The following RALGPS2 variants were observed in gnomAD, a reference collection of about 807,000 sequenced individuals.
RALGPS2 encodes the protein ras-specific guanine nucleotide-releasing factor RalGPS2.
In RALGPS2, 43 loss-of-function variants were observed where a neutral mutation model predicts 86.8. That is an observed-to-expected ratio of 0.50 (90% CI 0.39 to 0.64). RALGPS2 has a LOEUF of 0.64. RALGPS2 is among the 30% of genes least tolerant of loss of function. The pLI is 0.00. For missense variants in RALGPS2, 536 were observed against 694.6 expected (o/e 0.77, Z 2.57); for synonymous variants, 243 against 231.3 (o/e 1.05, Z -0.46).
chr1:178,869,944 A>G (rs549553415), intron 8 of RALGPS2, among the ~76,000 whole-genome samples: 1 of 152,248 alleles, frequency 6.6e-6, no homozygotes, highest in Non-Finnish European at 1.5e-5. Context: ...TACCTAAAAT[A>G]TTACATATTT....
rs549180861 is a variant in RALGPS2 at position 178,730,329 on chromosome 1, A to G, written c.-84+4910A>G. 5.9e-5 allele frequency among the ~76,000 whole-genome samples: 9 copies of G among 152,316 alleles called. No individual in the cohort carries two copies. In the South Asian group the frequency reaches 1.9e-3, roughly 32 times the overall value. ...GATGAGTCTATGCTTTAGGATTCTT[A>G]TGCCACCTTGAAATTTCTTTCCCAT... On this transcript the variant is annotated intron_variant, in intron 1 of 19. Coordinates refer to ENST00000367635, the MANE Select transcript of RALGPS2 (RefSeq NM_152663.5).
At chr1:178,900,974 G>A (rs1254578982) in intron 17 of RALGPS2, among the ~76,000 whole-genome samples, 1 of 152,050 alleles carries the variant, frequency 6.6e-6, no homozygotes, top group Non-Finnish European at 1.5e-5. Context: ...GAAGATCATA[G>A]TATTCATGTC....
At chr1:178,879,049 A>G (rs551694718) in intron 10 of RALGPS2, 57 bp downstream of exon 10, 39 of 1,574,914 alleles carry the variant, frequency 2.5e-5, no homozygotes, top group Non-Finnish European at 3.2e-5. Flanking sequence ...CCACCTTTCT[A>G]TCCCTATGTA....
intron 11 of RALGPS2, 56 bp from the exon 12 acceptor site, chr1:178,885,020 C>A (rs1659413661): frequency 2.7e-6 from 4 of 1,477,552 alleles, no homozygotes; most frequent in Non-Finnish European, 2.7e-6. Flanking sequence ...TATTTTCTTT[C>A]AAGGGACTGA....
At position 178,747,079 on chromosome 1, in the gene RALGPS2, C is replaced by T. The variant is rs539027404; in HGVS notation, c.-84+21660C>T. On this transcript the variant is annotated intron_variant, in intron 1 of 19. Transcript: ENST00000367635. ...TTGATCTGGGGTCTGAGATAAGACC[C>T]ATTTGGAATTTTCTTATGTTCAGTA... is the stretch of plus-strand genomic sequence containing the variant. 25 of 869,166 alleles carry T rather than the reference C, an allele frequency of 2.9e-5. No homozygotes were observed. The East Asian group carries it at 5.8e-4, about 20-fold the overall frequency. The allele number at this position is 869,166 out of a possible 1,614,324, so 53.8% of individuals were successfully genotyped here.
At chr1:178,849,869 T>A (rs185790335) in intron 8 of RALGPS2, 9 of 152,370 alleles carry the variant, frequency 5.9e-5, no homozygotes, top group Admixed American at 5.9e-4. Context: ...AATTCGAGGT[T>A]TTCTTTTTGC....
intron 1 of RALGPS2, among the ~76,000 whole-genome samples, chr1:178,742,236 A>C (rs1336916403): frequency 6.6e-6 from 1 of 152,094 alleles, no homozygotes; most frequent in Non-Finnish European, 1.5e-5. Flanking sequence ...TTTAAATATT[A>C]AGACACAAAT....
intron 4 of RALGPS2, among the ~76,000 whole-genome samples, chr1:178,788,245 A>G (rs1268357709): frequency 6.6e-6 from 1 of 152,214 alleles, no homozygotes; most frequent in African/African-American, 2.4e-5. Flanking sequence ...GGACTCGTCA[A>G]TTGCAATTTT....
At chr1:178,832,450 A>G (rs1048643111) in intron 7 of RALGPS2, among the ~76,000 whole-genome samples, 3 of 152,146 alleles carry the variant, frequency 2.0e-5, no homozygotes, top group Non-Finnish European at 4.4e-5. Flanking sequence ...AAAAACAAGG[A>G]CATACATCTT....
At chr1:178,878,812 T>C in intron 9 of RALGPS2, 90 bp from the exon 10 acceptor site, 1 of 1,529,372 alleles carries the variant, frequency 6.5e-7, no homozygotes, top group Non-Finnish European at 8.8e-7. Context: ...CATGTGGCCT[T>C]AATTTACCTT....
chr1:178,864,114 TGAATTCA>T (rs967653977), intron 8 of RALGPS2, among the ~76,000 whole-genome samples: 2 of 152,128 alleles, frequency 1.3e-5, no homozygotes, highest in Non-Finnish European at 2.9e-5. Context: ...CATAAAATAC[TGAATTCA>T]GAAAGTTAGC....
intron 6 of RALGPS2, among the ~76,000 whole-genome samples, chr1:178,814,608 G>GT (rs1343849494): frequency 1.3e-5 from 2 of 151,166 alleles, no homozygotes; most frequent in South Asian, 2.1e-4. Flanking sequence ...GCTAATTTCT[G>GT]TTTTTTTGTT....
At chr1:178,856,200 G>GAGAGATAGATAGAT (rs1657539569) in intron 8 of RALGPS2, among the ~76,000 whole-genome samples, 1 of 40,942 alleles carries the variant, frequency 2.4e-5, no homozygotes, top group African/African-American at 9.3e-5. Flanking sequence ...CAGAGAGAGA[G>GAGAGATAGATAGAT]AGATATATAT....
At chr1:178,822,313 A>G (rs945260549) in intron 7 of RALGPS2, among the ~76,000 whole-genome samples, 3 of 152,080 alleles carry the variant, frequency 2.0e-5, no homozygotes, top group African/African-American at 4.8e-5. Flanking sequence ...ATTGTACTCA[A>G]TCTTTTCAGG....
rs533062960 is a variant in RALGPS2, at chr1:178,904,729, A to G, written c.1631-2047A>G. The stretch of plus-strand genomic sequence containing the variant: ...ATGTGCCTATTTTCATAGCAGTACC[A>G]TGCTGTTTTGGTGACTGTGGCCTTA... On this transcript the variant is annotated intron_variant, in intron 18 of 19. Coordinates refer to ENST00000367635, the MANE Select transcript of RALGPS2 (RefSeq NM_152663.5). Among the ~76,000 whole-genome samples the G allele has an allele frequency of 5.3e-5, 8 of 152,330 alleles. No individual in the cohort carries two copies. In the East Asian group the frequency reaches 1.5e-3, roughly 29 times the overall value.
At chr1:178,846,165 GGAATT>G (rs1656856262) in intron 8 of RALGPS2, among the ~76,000 whole-genome samples, 1 of 152,082 alleles carries the variant, frequency 6.6e-6, no homozygotes, top group African/African-American at 2.4e-5. Flanking sequence ...CTGATCTGTA[GGAATT>G]AAAAGGAGAT....
At chr1:178,802,831 T>C (rs1409722095) in intron 4 of RALGPS2, among the ~76,000 whole-genome samples, 1 of 152,172 alleles carries the variant, frequency 6.6e-6, no homozygotes, top group East Asian at 1.9e-4. Context: ...TGGTAGTAAA[T>C]GATAAAATAG....
At chr1:178,879,102 T>C in intron 10 of RALGPS2, 110 bp downstream of exon 10, 1 of 1,440,330 alleles carries the variant, frequency 6.9e-7, no homozygotes, top group East Asian at 2.6e-5. Context: ...AAAGGACTAA[T>C]CCAGTGGTTT....
intron 4 of RALGPS2, among the ~76,000 whole-genome samples, 157 bp from the exon 5 acceptor site, chr1:178,807,888 T>C (rs1271562318): frequency 6.6e-6 from 1 of 152,234 alleles, no homozygotes; most frequent in Non-Finnish European, 1.5e-5. Flanking sequence ...AATTTGCTTT[T>C]GTGATCCAAC....
Sources: gnomAD v4.1 joint callset for allele counts (sites outside exome capture counted in the v4.1 genomes callset) on GRCh38, gnomAD v4.1.1 for gene constraint, MANE v1.5 for transcripts, NCBI Gene and HGNC (gene_info 2026-07-23, HGNC 2026-07-21) for gene names.